CDK6: variants seen among roughly 807,000 people sequenced by gnomAD.
The protein encoded by CDK6 is cyclin dependent kinase 6.
In CDK6, 6 loss-of-function variants were observed where a neutral mutation model predicts 37.1. The observed-to-expected ratio is 0.16, with a 90% CI of 0.09 to 0.32. The LOEUF (loss-of-function observed/expected upper bound fraction) is 0.32. CDK6 is among the 10% of genes least tolerant of loss of function. The pLI, the probability that CDK6 is intolerant of heterozygous loss-of-function variation, is 1.00. For missense variants in CDK6, 224 were observed against 418.9 expected, an observed-to-expected ratio of 0.53 and a Z score of 4.06; for synonymous variants, 160 against 161.3, an observed-to-expected ratio of 0.99 and a Z score of 0.06.
intron 2 of CDK6, among the ~76,000 whole-genome samples, chr7:92,821,943 A>G (rs1023451900): frequency 1.3e-5 from 2 of 152,026 alleles, no homozygotes; most frequent in Non-Finnish European, 2.9e-5. Context: ...AAGGCTCTTT[A>G]GGGGAATGCA....
At chr7:92,716,263 T>C (rs1471607377) in intron 4 of CDK6, among the ~76,000 whole-genome samples, 2 of 152,208 alleles carry the variant, frequency 1.3e-5, no homozygotes, top group Admixed American at 1.3e-4. Flanking sequence ...GTTCAAAGAA[T>C]AGTGAAAAAC....
intron 3 of CDK6, among the ~76,000 whole-genome samples, chr7:92,744,880 C>T (rs1296571359): frequency 1.3e-5 from 2 of 152,030 alleles, no homozygotes; most frequent in Non-Finnish European, 1.5e-5. Flanking sequence ...CTCTATAGTA[C>T]ACTGCAAGAG....
At chr7:92,698,196 C>T (rs556351019) in intron 4 of CDK6, among the ~76,000 whole-genome samples, 1 of 152,322 alleles carries the variant, frequency 6.6e-6, no homozygotes, top group South Asian at 2.1e-4. Flanking sequence ...AACCTAACAG[C>T]TCTCCATGAA....
intron 3 of CDK6, among the ~76,000 whole-genome samples, chr7:92,749,195 C>CTT (rs1362276246): frequency 6.9e-6 from 1 of 144,524 alleles, no homozygotes; most frequent in East Asian, 2.0e-4. Context: ...GGAGACTCTG[C>CTT]CTAAAAAAAA....
chr7:92,775,774 TAA>T (rs1799833972), intron 2 of CDK6, among the ~76,000 whole-genome samples: 1 of 152,100 alleles, frequency 6.6e-6, no homozygotes, highest in South Asian at 2.1e-4. Context: ...AAAAAGCTAA[TAA>T]AATACTATTC....
At chr7:92,720,922 CAT>C (rs773160426) in intron 4 of CDK6, among the ~76,000 whole-genome samples, 5 of 152,162 alleles carry the variant, frequency 3.3e-5, no homozygotes, top group South Asian at 2.1e-4. Flanking sequence ...TATAACTTCA[CAT>C]GTCATGATTT....
At chr7:92,630,279 A>ATTAATTATTTATTTAT (rs1554396883) in intron 5 of CDK6, among the ~76,000 whole-genome samples, 2 of 146,726 alleles carry the variant, frequency 1.4e-5, no homozygotes, top group South Asian at 4.3e-4. Flanking sequence ...GCCAAATTAC[A>ATTAATTATTTATTTAT]TTATTTATTT....
At chr7:92,670,579 C>T (rs1327811120) in intron 5 of CDK6, among the ~76,000 whole-genome samples, 1 of 152,130 alleles carries the variant, frequency 6.6e-6, no homozygotes, top group Admixed American at 6.5e-5. Context: ...ACTTAGTACC[C>T]AGATATGGAT....
chr7:92,827,343 C>T (rs939097696), intron 2 of CDK6, among the ~76,000 whole-genome samples: 18 of 152,032 alleles, frequency 1.2e-4, no homozygotes, highest in Non-Finnish European at 5.9e-5. Flanking sequence ...ATCCAAATTT[C>T]GGCAAACTAC....
chr7:92,793,463 G>T (rs1800330742), intron 2 of CDK6, among the ~76,000 whole-genome samples: 1 of 152,068 alleles, frequency 6.6e-6, no homozygotes, highest in East Asian at 1.9e-4. Flanking sequence ...TATGCTAAAT[G>T]AATTTTCAAC....
chr7:92,821,073 C>A (rs1284685831), intron 2 of CDK6, among the ~76,000 whole-genome samples: 1 of 152,040 alleles, frequency 6.6e-6, no homozygotes, highest in South Asian at 2.1e-4. Context: ...CAAATATAAA[C>A]AACAAAACGT....
intron 3 of CDK6, among the ~76,000 whole-genome samples, chr7:92,757,463 G>C (rs1016845313): frequency 2.0e-5 from 3 of 152,176 alleles, no homozygotes; most frequent in Non-Finnish European, 4.4e-5. Flanking sequence ...TTCTATCCAT[G>C]TTCCTGCAAA....
At chr7:92,633,824 T>A (rs1163762520) in intron 5 of CDK6, among the ~76,000 whole-genome samples, 3 of 152,144 alleles carry the variant, frequency 2.0e-5, no homozygotes, top group African/African-American at 4.8e-5. Flanking sequence ...CTGAACTGTA[T>A]TATGAGTATA....
chr7:92,614,715 AC>A lies in CDK6; in HGVS notation c.*424del. On this transcript the variant is annotated 3_prime_UTR_variant, in exon 8 of 8. Coordinates refer to ENST00000424848, the MANE Select transcript of CDK6 (RefSeq NM_001145306.2). ...CTCACATACACACACACACACACAC[AC>A]ACACACACACACATGCACACACACA... 1 of 257,588 alleles carries A rather than the reference AC, an allele frequency of 3.9e-6. No homozygotes were observed. Among genetic ancestry groups the A allele is most frequent in the Non-Finnish European group, 7.6e-6 (1 of 131,956 alleles). The allele number at this position is 257,588 out of a possible 1,614,324, so 16.0% of individuals were successfully genotyped here. A position where few individuals can be genotyped will look rare whatever the true frequency, so the allele number is the denominator to read the frequency against.
At chr7:92,751,292 G>T (rs1161614857) in intron 3 of CDK6, among the ~76,000 whole-genome samples, 1 of 152,040 alleles carries the variant, frequency 6.6e-6, no homozygotes. Context: ...TTGGATACTA[G>T]ATTATTGCTG....
At chr7:92,625,573 A>C (rs1042259844) in intron 5 of CDK6, among the ~76,000 whole-genome samples, 1 of 151,846 alleles carries the variant, frequency 6.6e-6, no homozygotes, top group Non-Finnish European at 1.5e-5. Context: ...AAAAAAAACC[A>C]AAAACCTCAC....
intron 3 of CDK6, among the ~76,000 whole-genome samples, chr7:92,745,617 AAAT>A (rs2115654294): frequency 6.6e-6 from 1 of 152,310 alleles, no homozygotes; most frequent in South Asian, 2.1e-4. Context: ...CTCTTTAATA[AAAT>A]AATATTTATC....
At chr7:92,743,675 A>C (rs1358855956) in intron 3 of CDK6, among the ~76,000 whole-genome samples, 1 of 152,230 alleles carries the variant, frequency 6.6e-6, no homozygotes, top group East Asian at 1.9e-4. Flanking sequence ...ACAATGGTTT[A>C]AACTGACTAT....
intron 4 of CDK6, among the ~76,000 whole-genome samples, chr7:92,684,824 C>G (rs1651868627): frequency 6.6e-6 from 1 of 152,040 alleles, no homozygotes. Context: ...AATACTATGA[C>G]CCACCATTTT....
Sources: gnomAD v4.1 joint callset for allele counts (sites outside exome capture counted in the v4.1 genomes callset) on GRCh38, gnomAD v4.1.1 for gene constraint, MANE v1.5 for transcripts, NCBI Gene and HGNC (gene_info 2026-07-23, HGNC 2026-07-21) for gene names.